DOCK11: variants seen among roughly 807,000 people sequenced by gnomAD.
DOCK11 encodes the protein dedicator of cytokinesis protein 11.
A neutral mutation model predicts 169.1 loss-of-function variants in DOCK11; 70 were observed. The ratio of observed to expected loss-of-function variants is 0.41; its 90% CI spans 0.34 to 0.51. The LOEUF (loss-of-function observed/expected upper bound fraction) is 0.51, where lower values mean the gene tolerates loss of function less well. DOCK11 is among the 20% of genes least tolerant of loss of function. The pLI, the probability that DOCK11 is intolerant of heterozygous loss-of-function variation, is 0.10. For synonymous variants in DOCK11, 529 were observed against 541.3 expected (o/e 0.98, Z 0.32); for missense variants, 1,166 against 1,538.8 (o/e 0.76, Z 4.05).
Position 118,615,713 on chromosome X carries a change from C to T in DOCK11, c.3292+2C>T. On this transcript the variant is annotated splice_donor_variant, in intron 30 of 52. Transcript: ENST00000276202. LOFTEE classifies it low-confidence loss of function (GC_TO_GT_DONOR). ...AACCTAAACTGCAGCGGGTTCAAGG[C>T]ATGTATTTGCATTTTCCATCATTTG... 1 of 1,172,662 alleles carries T rather than the reference C, an allele frequency of 8.5e-7. No individual in the cohort carries two copies. The highest frequency in any genetic ancestry group is 1.2e-6 in the Non-Finnish European group (1 of 862,273).
chrX:118,672,766 C>G (rs2016517274), intron 46 of DOCK11, among the ~76,000 whole-genome samples: 1 of 112,746 alleles, frequency 8.9e-6, no homozygotes, highest in African/African-American at 3.2e-5. Context: ...AGCAGTTAGG[C>G]CTTTCCTTGT....
At chrX:118,545,845 G>T (rs748252062) in intron 5 of DOCK11, among the ~76,000 whole-genome samples, 176 bp from the exon 6 acceptor site, 1 of 112,062 alleles carries the variant, frequency 8.9e-6, no homozygotes, top group African/African-American at 3.2e-5. Context: ...TGCCTACTGT[G>T]TGCATAGCAC....
At chrX:118,671,636 A>G (rs912499866) in intron 46 of DOCK11, among the ~76,000 whole-genome samples, 5 of 112,084 alleles carry the variant, frequency 4.5e-5, no homozygotes, top group Non-Finnish European at 7.5e-5. Flanking sequence ...AGGGTAAAAG[A>G]TCCAAAATAG....
intron 30 of DOCK11, among the ~76,000 whole-genome samples, chrX:118,617,229 C>T (rs747650377): frequency 9.0e-6 from 1 of 111,702 alleles, no homozygotes; most frequent in Admixed American, 9.5e-5. Flanking sequence ...CGATGGCTAA[C>T]GTCTGTAATC....
chrX:118,552,133 A>G (rs1360708885), intron 6 of DOCK11, among the ~76,000 whole-genome samples: 1 of 111,499 alleles, frequency 9.0e-6, no homozygotes, highest in Non-Finnish European at 1.9e-5. Flanking sequence ...CGAAGGAAAG[A>G]GTATTAGAAG....
chrX:118,527,087 G>A (rs183634973), intron 1 of DOCK11, among the ~76,000 whole-genome samples: 4 of 111,907 alleles, frequency 3.6e-5, no homozygotes, highest in East Asian at 2.8e-4. Flanking sequence ...TTTATGATTC[G>A]TGTGAGATAC....
chrX:118,646,053 C>CAAAAAAAAAAA (rs754457760), intron 40 of DOCK11, among the ~76,000 whole-genome samples: 2 of 38,971 alleles, frequency 5.1e-5, no homozygotes, highest in Non-Finnish European at 9.3e-5. Context: ...GAGACTTCGT[C>CAAAAAAAAAAA]AAAAAAAAAA....
chrX:118,601,561 A>G (rs774405376), intron 23 of DOCK11, among the ~76,000 whole-genome samples: 8 of 112,107 alleles, frequency 7.1e-5, no homozygotes, highest in Non-Finnish European at 1.3e-4. Context: ...TAAAAGTTTC[A>G]ATCAAGTGGA....
At chrX:118,500,000 G>GTTTTATTCTAATTTTTTATTC (rs2057563411) in intron 1 of DOCK11, among the ~76,000 whole-genome samples, 1 of 110,240 alleles carries the variant, frequency 9.1e-6, no homozygotes, top group Non-Finnish European at 1.9e-5. Context: ...TCTGGATTGA[G>GTTTTATTCTAATTTTTTATTC]TCTTTTTCTA....
chrX:118,584,135 C>T (rs775706675), intron 14 of DOCK11, among the ~76,000 whole-genome samples: 2 of 111,913 alleles, frequency 1.8e-5, no homozygotes, highest in Non-Finnish European at 3.8e-5. Context: ...TATACAGTCA[C>T]GTAACCACCA....
At chrX:118,545,035 C>G (rs1167248090) in intron 4 of DOCK11, among the ~76,000 whole-genome samples, 1 of 109,490 alleles carries the variant, frequency 9.1e-6, no homozygotes, top group East Asian at 2.8e-4. Flanking sequence ...GCACAGGTTC[C>G]TTAGCAACTT....
At chrX:118,526,297 A>G (rs1349749457) in intron 1 of DOCK11, among the ~76,000 whole-genome samples, 1 of 112,302 alleles carries the variant, frequency 8.9e-6, no homozygotes, top group Admixed American at 9.4e-5. Context: ...AGTCCTCCTC[A>G]TACCGAGCAT....
intron 3 of DOCK11, 113 bp from the exon 4 acceptor site, chrX:118,543,398 A>G: frequency 1.8e-6 from 1 of 555,642 alleles, no homozygotes; most frequent in Non-Finnish European, 2.9e-6. Flanking sequence ...TCCCAGTACT[A>G]GTAATTGCCA....
chrX:118,616,332 C>T lies in DOCK11; in HGVS notation c.3292+621C>T, dbSNP rs2014812058. On this transcript the variant is annotated intron_variant, in intron 30 of 52. Transcript: ENST00000276202. ...CTAAGATGGATGGGGGCTTTGTTTG[C>T]TTTTCAAATTCTCCCTAGCCAAAAT... The T allele has an allele frequency of 4.9e-6, 3 of 609,688 alleles. No individual in the cohort carries two copies. In the South Asian group the frequency reaches 9.3e-5, roughly 19 times the overall value. The allele number at this position is 609,688 out of a possible 1,213,427, so 50.2% of individuals were successfully genotyped here. A position where few individuals can be genotyped will look rare whatever the true frequency, so the allele number is the denominator to read the frequency against.
chrX:118,539,237 T>C (rs1416502743), intron 1 of DOCK11, among the ~76,000 whole-genome samples: 2 of 112,344 alleles, frequency 1.8e-5, no homozygotes, highest in African/African-American at 6.5e-5. Context: ...CTTCAAAACA[T>C]GTGGTAAGCT....
At chrX:118,514,471 C>T (rs725501) in intron 1 of DOCK11, among the ~76,000 whole-genome samples, 18 of 110,233 alleles carry the variant, frequency 1.6e-4, no homozygotes, top group Middle Eastern at 4.6e-3. Context: ...CTCTTGAGAG[C>T]GTGGGGGAGA....
At chrX:118,648,608 T>C (rs989957045) in intron 40 of DOCK11, among the ~76,000 whole-genome samples, 1 of 100,252 alleles carries the variant, frequency 1.0e-5, no homozygotes, top group Non-Finnish European at 2.0e-5. Flanking sequence ...AATATATTAA[T>C]ATATAATATA....
chrX:118,646,066 A>C lies in DOCK11; in HGVS notation c.4398+2472A>C, dbSNP rs1036699286. 1.9e-4 allele frequency among the ~76,000 whole-genome samples: 20 copies of C among 106,651 alleles called. No individual in the cohort carries two copies. The South Asian group carries it at 2.7e-3, about 14-fold the overall frequency. The allele number at this position is 106,651 out of a possible 115,157, so 92.6% of individuals were successfully genotyped here. A position where few individuals can be genotyped will look rare whatever the true frequency, so the allele number is the denominator to read the frequency against. On this transcript the variant is annotated intron_variant, in intron 40 of 52. Coordinates refer to ENST00000276202, the MANE Select transcript of DOCK11 (RefSeq NM_144658.4). ...GCGAGACTTCGTCAAAAAAAAAAAA[A>C]AAAAAAAAAACACAACAACAACAAC...
In DOCK11 at chrX:118,678,176, AGAG is replaced by A. The variant is rs1423419071; in HGVS notation, c.5460+1443_5460+1445del. 6.2e-5 allele frequency among the ~76,000 whole-genome samples: 7 copies of A among 112,864 alleles called. No individual in the cohort carries two copies. In the Admixed American group the frequency reaches 6.6e-4, roughly 11 times the overall value. On this transcript the variant is annotated intron_variant, in intron 48 of 52. Coordinates refer to ENST00000276202, the MANE Select transcript of DOCK11 (RefSeq NM_144658.4). ...CTGCTTAAGGGCAAAGGCAATTTGA[AGAG>A]GAGTTTGGCAATATCTTCCAATATT...
Sources: allele counts gnomAD v4.1 joint callset (sites outside exome capture counted in the v4.1 genomes callset), GRCh38; gene constraint gnomAD v4.1.1; transcripts MANE v1.5; gene names NCBI Gene and HGNC (gene_info 2026-07-23, HGNC 2026-07-21).